The following CRACD variants were observed in gnomAD, a reference collection of about 807,000 sequenced individuals.
CRACD encodes capping protein-inhibiting regulator of actin dynamics.
In CRACD, 56 loss-of-function variants were observed where a neutral mutation model predicts 106.8. The ratio of observed to expected loss-of-function variants is 0.52; its 90% confidence interval spans 0.42 to 0.66. The LOEUF is 0.66. Among genes scored for constraint, CRACD ranks in the 30% least tolerant of loss-of-function variants. The probability of loss-of-function intolerance (pLI) is 0.00; values close to 1 mark genes in which losing one functional copy is unlikely to be tolerated. For missense variants in CRACD, 1,730 were observed against 1,623.2 expected (o/e 1.07, Z -1.13); for synonymous variants, 754 against 670.8 (o/e 1.12, Z -1.92).
Position 56,316,540 on chromosome 4 carries a change from G to C in CRACD, c.3038G>C (p.Arg1013Pro), listed in dbSNP as rs772549120. The stretch of plus-strand genomic sequence containing the variant: ...AAGGAGGACCAGGAGAGCAGTGACC[G>C]CCGGCCACCCTCGCCCCCAGGCCCC... The part of the protein sequence containing the change: ...PSKEDQESSD[R>P]RPPSPPGPEE... The change falls in exon 8 of 11, where the codon CGC becomes CCC. Residue 1013 changes from arginine (R) to proline (P), a missense_variant. By Grantham distance (103) the Arg-to-Pro change is moderately radical. Coordinates refer to ENST00000682029, the MANE Select transcript of CRACD (RefSeq NM_001393381.1). 2.4e-5 allele frequency: 39 copies of C among 1,613,164 alleles called. No homozygotes were observed. The highest frequency in any genetic ancestry group is 3.1e-5 in the Non-Finnish European group (37 of 1,179,608).
intron 2 of CRACD, among the ~76,000 whole-genome samples, chr4:56,228,517 C>T (rs780850781): frequency 4.6e-5 from 7 of 150,990 alleles, no homozygotes; most frequent in South Asian, 2.1e-4. Flanking sequence ...ATCCCATAAT[C>T]GCAGCACTTT....
intron 1 of CRACD, among the ~76,000 whole-genome samples, chr4:56,157,270 C>T (rs769726329): frequency 3.3e-5 from 5 of 152,106 alleles, no homozygotes; most frequent in Admixed American, 6.6e-5. Flanking sequence ...GAGTTCTAGA[C>T]CAGCCTGAGC....
At chr4:56,090,778 T>C (rs1187374065) in intron 1 of CRACD, among the ~76,000 whole-genome samples, 1 of 152,140 alleles carries the variant, frequency 6.6e-6, no homozygotes, top group Non-Finnish European at 1.5e-5. Context: ...AAAGTGTTGG[T>C]CCTTTTAGGG....
intron 1 of CRACD, among the ~76,000 whole-genome samples, chr4:56,137,043 T>A (rs1375622358): frequency 6.6e-6 from 1 of 152,192 alleles, no homozygotes; most frequent in African/African-American, 2.4e-5. Flanking sequence ...TATGGTTCTA[T>A]TTGGGGATTT....
intron 1 of CRACD, among the ~76,000 whole-genome samples, chr4:56,111,833 A>G (rs1198298513): frequency 6.6e-6 from 1 of 152,232 alleles, no homozygotes; most frequent in Non-Finnish European, 1.5e-5. Flanking sequence ...AGTTTGAAAT[A>G]TTAAATTCAC....
At position 56,143,521 on chromosome 4, in the gene CRACD, T is replaced by C. The variant is rs116918882; in HGVS notation, c.-335-35763T>C. On this transcript the variant is annotated intron_variant, in intron 1 of 10. Transcript: ENST00000682029. ...TAAATATCTTATATAAAGTTGAATA[T>C]TAATATCTATTTTACATTTTTGATG... Among the ~76,000 whole-genome samples, 562 of 152,262 alleles carry C rather than the reference T, an allele frequency of 3.7e-3. 12 individuals are homozygous for C. In the East Asian group the frequency reaches 0.046, roughly 13 times the overall value.
intron 2 of CRACD, among the ~76,000 whole-genome samples, chr4:56,234,210 A>G (rs1162754898): frequency 6.6e-6 from 1 of 152,066 alleles, no homozygotes; most frequent in Non-Finnish European, 1.5e-5. Flanking sequence ...AGTTTTCATC[A>G]CCCTTGAAAC....
intron 1 of CRACD, among the ~76,000 whole-genome samples, chr4:56,079,783 T>C (rs753812832): frequency 2.6e-5 from 4 of 152,174 alleles, no homozygotes; most frequent in African/African-American, 7.2e-5. Context: ...TTTTTTGTTT[T>C]TAAAATTGTA....
intron 1 of CRACD, among the ~76,000 whole-genome samples, chr4:56,125,064 T>C (rs897451060): frequency 1.3e-5 from 2 of 152,228 alleles, no homozygotes; most frequent in African/African-American, 4.8e-5. Context: ...TCCAACGTTA[T>C]GTTCATTCTA....
At chr4:56,085,765 G>A (rs1156927021) in intron 1 of CRACD, among the ~76,000 whole-genome samples, 1 of 152,184 alleles carries the variant, frequency 6.6e-6, no homozygotes, top group Non-Finnish European at 1.5e-5. Context: ...AAAAGGAGGG[G>A]AAGAAATGTA....
intron 2 of CRACD, among the ~76,000 whole-genome samples, chr4:56,222,970 G>A (rs1049665527): frequency 1.3e-5 from 2 of 150,132 alleles, no homozygotes; most frequent in Non-Finnish European, 3.0e-5. Flanking sequence ...ACAAGACTCC[G>A]TCTCAAACAA....
chr4:56,304,314 T>A (rs1208228075), intron 4 of CRACD, among the ~76,000 whole-genome samples: 1 of 1,062 alleles, frequency 9.4e-4, no homozygotes, highest in Non-Finnish European at 2.1e-3. Flanking sequence ...TCTTATTCCT[T>A]TTTTTTTTTT....
At chr4:56,189,546 C>G (rs1737266804) in intron 2 of CRACD, among the ~76,000 whole-genome samples, 1 of 94,242 alleles carries the variant, frequency 1.1e-5, no homozygotes, top group Non-Finnish European at 2.0e-5. Context: ...TATCCCTCCC[C>G]CCTCCCCCCA....
chr4:56,116,879 T>C (rs1221398655), intron 1 of CRACD, among the ~76,000 whole-genome samples: 1 of 151,826 alleles, frequency 6.6e-6, no homozygotes, highest in East Asian at 1.9e-4. Flanking sequence ...GACTAATTTT[T>C]GTATTTTTGG....
intron 8 of CRACD, among the ~76,000 whole-genome samples, chr4:56,318,956 C>T (rs768981284): frequency 5.9e-5 from 9 of 151,838 alleles, no homozygotes; most frequent in Non-Finnish European, 1.0e-4. Context: ...TGGCCAACTT[C>T]TTCTTGGATA....
At chr4:56,295,048 A>T (rs746736840) in intron 3 of CRACD, among the ~76,000 whole-genome samples, 4 of 152,006 alleles carry the variant, frequency 2.6e-5, no homozygotes, top group Non-Finnish European at 4.4e-5. Flanking sequence ...AGCAATTAAG[A>T]TAGTGTGTTA....
At chr4:56,292,368 T>G (rs1028001171) in intron 3 of CRACD, among the ~76,000 whole-genome samples, 3 of 152,134 alleles carry the variant, frequency 2.0e-5, no homozygotes, top group African/African-American at 7.2e-5. Flanking sequence ...ACCCTAGAAG[T>G]GGAGGCAAAA....
At chr4:56,213,528 C>T (rs143882543) in intron 2 of CRACD, among the ~76,000 whole-genome samples, 192 of 152,304 alleles carry the variant, frequency 1.3e-3, no homozygotes, top group African/African-American at 4.5e-3. Flanking sequence ...ACTTCCACAG[C>T]CCCTACACCC....
chr4:56,134,974 A>G (rs1323652914), intron 1 of CRACD, among the ~76,000 whole-genome samples: 1 of 152,058 alleles, frequency 6.6e-6, no homozygotes, highest in Non-Finnish European at 1.5e-5. Context: ...GTGCCTCAAT[A>G]GAAAACAAGC....
Sources: allele counts gnomAD v4.1 joint callset (sites outside exome capture counted in the v4.1 genomes callset), GRCh38; gene constraint gnomAD v4.1.1; transcripts MANE v1.5; gene names NCBI Gene and HGNC (gene_info 2026-07-23, HGNC 2026-07-21).